DRC3: variants seen among roughly 807,000 people sequenced by gnomAD.
DRC3 encodes dynein regulatory complex subunit 3.
Under a neutral mutation model 57.6 loss-of-function variants are expected in DRC3, and 45 were observed. The ratio of observed to expected loss-of-function variants is 0.78; its 90% CI spans 0.62 to 1.00. DRC3 has a LOEUF of 1.00. Among genes scored for constraint, DRC3 ranks in the 50% least tolerant of loss-of-function variants. The pLI, the probability that DRC3 is intolerant of heterozygous loss-of-function variation, is 0.00. For missense variants in DRC3, 655 were observed against 675.2 expected (o/e 0.97, Z 0.33); for synonymous variants, 257 against 272.3 (o/e 0.94, Z 0.55).
At chr17:17,999,619 G>A (rs2043606129) in intron 9 of DRC3, among the ~76,000 whole-genome samples, 1 of 152,230 alleles carries the variant, frequency 6.6e-6, no homozygotes, top group African/African-American at 2.4e-5. Flanking sequence ...TCATGCTGCA[G>A]CCATGTAAGG....
intron 9 of DRC3, among the ~76,000 whole-genome samples, chr17:18,001,301 C>T (rs967024266): frequency 1.7e-4 from 26 of 152,064 alleles, no homozygotes; most frequent in African/African-American, 5.5e-4. Flanking sequence ...GTCAGGAGTT[C>T]GAGAGCAGCC....
At chr17:17,997,358 G>T in intron 8 of DRC3, 102 bp from the exon 9 acceptor site, 1 of 1,037,396 alleles carries the variant, frequency 9.6e-7, no homozygotes, top group East Asian at 2.8e-5. Flanking sequence ...ACACACTGTT[G>T]AGCGCACAGT....
chr17:18,006,987 T>TA, intron 11 of DRC3, 37 bp from the exon 12 acceptor site: 1 of 1,610,140 alleles, frequency 6.2e-7, no homozygotes, highest in Admixed American at 1.7e-5. Flanking sequence ...GCGCCGGGCC[T>TA]GCTCCTCCCG....
chr17:17,974,655 C>CT (rs2042303002), intron 2 of DRC3, among the ~76,000 whole-genome samples: 1 of 152,202 alleles, frequency 6.6e-6, no homozygotes, highest in Non-Finnish European at 1.5e-5. Flanking sequence ...AGTCTGTTCT[C>CT]TCCCACCTAA....
intron 3 of DRC3, among the ~76,000 whole-genome samples, chr17:17,982,074 C>A (rs2042719211): frequency 6.6e-6 from 1 of 150,452 alleles, no homozygotes; most frequent in South Asian, 2.1e-4. Flanking sequence ...CTCACTGCAA[C>A]CTCTGCCTCC....
At chr17:17,983,976 A>C in intron 4 of DRC3, 32 bp downstream of exon 4, 4 of 1,383,418 alleles carry the variant, frequency 2.9e-6, no homozygotes, top group South Asian at 1.2e-5. Flanking sequence ...GTCCACCCTA[A>C]TCGAAGGTGA....
chr17:17,973,269 TAGAA>T (rs772790024), intron 1 of DRC3, among the ~76,000 whole-genome samples: 21 of 152,064 alleles, frequency 1.4e-4, no homozygotes, highest in South Asian at 1.0e-3. Context: ...CCTCCTTTCA[TAGAA>T]AGAGAGGTAC....
chr17:18,000,194 C>A (rs11651185), intron 9 of DRC3, among the ~76,000 whole-genome samples: 1 of 63,828 alleles, frequency 1.6e-5, no homozygotes, highest in Non-Finnish European at 3.2e-5. Context: ...TTGCTTTCCT[C>A]TGTGTGTGTG....
Position 18,016,710 on chromosome 17 carries a change from C to G in DRC3, c.*39C>G, listed in dbSNP as rs2044378577. The stretch of plus-strand genomic sequence containing the variant: ...ACAGGAGCTTCTTCAAAACATAGCA[C>G]CAGCCCCAGCCAGGAGAAGGAAGTG... On this transcript the variant is annotated 3_prime_UTR_variant, in exon 14 of 14. Coordinates refer to ENST00000399187, the MANE Select transcript of DRC3 (RefSeq NM_031294.4). 1.5e-6 allele frequency: 2 copies of G among 1,346,466 alleles called. No individual in the cohort carries two copies. The highest frequency in any genetic ancestry group is 2.1e-6 in the Non-Finnish European group (2 of 944,328). 83.4% of individuals were successfully genotyped at this position (1,346,466 alleles called of 1,614,324 possible).
Position 18,016,873 on chromosome 17 carries a change from TAAAA to T in DRC3, c.*215_*218del, listed in dbSNP as rs5819640. On this transcript the variant is annotated 3_prime_UTR_variant, in exon 14 of 14. Coordinates refer to ENST00000399187, the MANE Select transcript of DRC3 (RefSeq NM_031294.4). ...ACTCATTTCACATTTCCCCTACTCA[TAAAA>T]AAAAAAAAAAAATCAGCTGGGTGCG... 865 of 301,552 alleles carry T rather than the reference TAAAA, an allele frequency of 2.9e-3. No homozygotes were observed. The highest frequency in any genetic ancestry group is 1.0e-2 in the South Asian group (185 of 18,546). The allele number at this position is 301,552 out of a possible 1,614,324, so 18.7% of individuals were successfully genotyped here. A position where few individuals can be genotyped will look rare whatever the true frequency, so the allele number is the denominator to read the frequency against.
At chr17:17,974,370 C>G (rs1020262783) in intron 2 of DRC3, among the ~76,000 whole-genome samples, 1 of 152,136 alleles carries the variant, frequency 6.6e-6, no homozygotes, top group Non-Finnish European at 1.5e-5. Context: ...CATTGCTTCC[C>G]TTATTTTTTT....
chr17:18,016,724 G>A lies in DRC3; in HGVS notation c.*53G>A. On this transcript the variant is annotated 3_prime_UTR_variant, in exon 14 of 14. Coordinates refer to ENST00000399187, the MANE Select transcript of DRC3 (RefSeq NM_031294.4). ...AAAACATAGCACCAGCCCCAGCCAGGAGAAGGAAGTGCACACGCCTCACCC... is the reference window on the plus strand; with the variant it reads ...AAAACATAGCACCAGCCCCAGCCAGAAGAAGGAAGTGCACACGCCTCACCC... 8.1e-7 allele frequency: 1 copy of A among 1,237,310 alleles called. No homozygotes were observed. The highest frequency in any genetic ancestry group is 1.8e-5 in the Admixed American group (1 of 55,250). 76.6% of individuals were successfully genotyped at this position (1,237,310 alleles called of 1,614,324 possible). A position where few individuals can be genotyped will look rare whatever the true frequency, so the allele number is the denominator to read the frequency against.
chr17:17,983,217 C>T (rs1424984346), intron 3 of DRC3, among the ~76,000 whole-genome samples: 2 of 152,156 alleles, frequency 1.3e-5, no homozygotes, highest in Non-Finnish European at 2.9e-5. Flanking sequence ...TATCTCATCC[C>T]CTACGTATGG....
Position 18,008,638 on chromosome 17 carries a change from C to T in DRC3, c.1326+1491C>T, listed in dbSNP as rs997081868. 3.9e-5 allele frequency among the ~76,000 whole-genome samples: 6 copies of T among 152,242 alleles called. No individual in the cohort carries two copies. Among genetic ancestry groups the T allele is most frequent in the African/African-American group, 1.4e-4 (6 of 41,464 alleles). On this transcript the variant is annotated intron_variant, in intron 12 of 13. Transcript: ENST00000399187. This position sits in a 1 kb window ranked among gnomAD's most constrained non-coding sequence, Gnocchi z 4.3. ...CTCTGTCCTGGGGCCCAGACAGACA[C>T]CCAACATAGCAGTGTGGTGATAGGG...
intron 11 of DRC3, 186 bp from the exon 12 acceptor site, chr17:18,006,838 C>G: frequency 1.2e-6 from 1 of 839,690 alleles, no homozygotes; most frequent in Non-Finnish European, 1.8e-6. Flanking sequence ...AGGGTCCGTC[C>G]GAGGTGTGGG....
chr17:17,975,828 C>T (rs1223297471), intron 2 of DRC3, among the ~76,000 whole-genome samples: 2 of 152,152 alleles, frequency 1.3e-5, no homozygotes, highest in South Asian at 2.1e-4. Flanking sequence ...TATGCCTCCC[C>T]TGGAAGCAAG....
At chr17:17,974,980 A>T (rs1476849944) in intron 2 of DRC3, among the ~76,000 whole-genome samples, 2 of 152,216 alleles carry the variant, frequency 1.3e-5, no homozygotes, top group East Asian at 3.9e-4. Flanking sequence ...AGGCTTAGAT[A>T]GGTGAAGTGA....
chr17:17,990,085 C>T (rs931232104), intron 5 of DRC3, among the ~76,000 whole-genome samples: 1 of 152,196 alleles, frequency 6.6e-6, no homozygotes, highest in Admixed American at 6.5e-5. Context: ...GTCAAGGACA[C>T]GGGCTTCCTT....
At chr17:17,984,377 A>AAG in intron 4 of DRC3, among the ~76,000 whole-genome samples, 1 of 151,950 alleles carries the variant, frequency 6.6e-6, no homozygotes, top group Non-Finnish European at 1.5e-5. Context: ...AGTGGGGCCT[A>AAG]TATGCTTTCC....
Sources: gnomAD v4.1 joint callset for allele counts (sites outside exome capture counted in the v4.1 genomes callset) on GRCh38, gnomAD v4.1.1 for gene constraint, Gnocchi (gnomAD v3.1) non-coding constraint, MANE v1.5 for transcripts, NCBI Gene and HGNC (gene_info 2026-07-23, HGNC 2026-07-21) for gene names.